Variants in AXIN1 observed in about 807,000 individuals in gnomAD.
AXIN1 encodes axin 1.
A neutral mutation model predicts 76.4 loss-of-function variants in AXIN1; 30 were observed. The observed-to-expected ratio is 0.39, with a 90% CI of 0.29 to 0.53. AXIN1 has a LOEUF of 0.53. AXIN1 is among the 20% of genes least tolerant of loss of function. AXIN1 has a pLI of 0.66. For missense variants in AXIN1, 1,140 were observed against 1,198.8 expected (o/e 0.95, Z 0.72); for synonymous variants, 545 against 501.4 (o/e 1.09, Z -1.16).
At chr16:291,499 C>T (rs916867044) in intron 8 of AXIN1, 27 of 622,372 alleles carry the variant, frequency 4.3e-5, no homozygotes, top group Admixed American at 1.6e-4. Flanking sequence ...TACTGCAGCG[C>T]GCCCCACATT....
chr16:344,333 G>T (rs1244057855), intron 2 of AXIN1, among the ~76,000 whole-genome samples: 3 of 150,658 alleles, frequency 2.0e-5, no homozygotes, highest in Admixed American at 2.0e-4. Context: ...GGGAGGCTGG[G>T]GCAGGAGAAC....
chr16:290,187 C>T lies in AXIN1; in HGVS notation c.2295-580G>A, dbSNP rs143434716. On this transcript the variant is annotated intron_variant, in intron 9 of 10. Coordinates refer to ENST00000262320, the MANE Select transcript of AXIN1 (RefSeq NM_003502.4). ...GGATGACGGGCGGGGCCTGGTTGCTCTCGCACCCCCCACTCGGCTACCCCG... is the reference window on the plus strand; with the variant it reads ...GGATGACGGGCGGGGCCTGGTTGCTTTCGCACCCCCCACTCGGCTACCCCG... 432 of 163,410 alleles carry T rather than the reference C, an allele frequency of 2.6e-3. 1 individual carries two copies. The highest frequency in any genetic ancestry group is 9.2e-3 in the Middle Eastern group (3 of 326). The allele number at this position is 163,410 out of a possible 1,614,324, so 10.1% of individuals were successfully genotyped here.
intron 2 of AXIN1, among the ~76,000 whole-genome samples, chr16:328,462 G>A (rs1208138249): frequency 6.6e-5 from 10 of 151,754 alleles, no homozygotes; most frequent in Admixed American, 3.9e-4. Flanking sequence ...TTGGGAGGCC[G>A]CGGCGGGCGG....
intron 5 of AXIN1, among the ~76,000 whole-genome samples, chr16:299,882 C>T (rs1458954275): frequency 6.6e-6 from 1 of 150,408 alleles, no homozygotes; most frequent in Non-Finnish European, 1.5e-5. Flanking sequence ...GTCTCGATCT[C>T]CCGACCTCGT....
intron 2 of AXIN1, among the ~76,000 whole-genome samples, chr16:334,163 T>C (rs1166502127): frequency 7.1e-6 from 1 of 141,208 alleles, no homozygotes; most frequent in African/African-American, 2.7e-5. Flanking sequence ...CAGCACCCAG[T>C]ACCATGGCAC....
At chr16:338,486 C>T (rs561030433) in intron 2 of AXIN1, among the ~76,000 whole-genome samples, 32 of 152,376 alleles carry the variant, frequency 2.1e-4, no homozygotes, top group African/African-American at 7.5e-4. Flanking sequence ...AGGGGCCTCT[C>T]GGTTCCAGAA....
At position 346,146 on chromosome 16, in the gene AXIN1, A is replaced by C. The variant is rs1597125300; in HGVS notation, c.878+2T>G. ...AAAGTGGACGCCTGGCGTCGGACTC[A>C]CCTGAACTCTCTGCCTTCGCTGTAC... On this transcript the variant is annotated splice_donor_variant, in intron 2 of 10. Coordinates refer to ENST00000262320, the MANE Select transcript of AXIN1 (RefSeq NM_003502.4). LOFTEE classifies it high-confidence loss of function. 6.2e-7 allele frequency: 1 copy of C among 1,613,360 alleles called. No homozygotes were observed. The highest frequency in any genetic ancestry group is 8.5e-7 in the Non-Finnish European group (1 of 1,179,940).
chr16:332,809 G>A (rs534106898), intron 2 of AXIN1, among the ~76,000 whole-genome samples: 1 of 152,088 alleles, frequency 6.6e-6, no homozygotes, highest in East Asian at 1.9e-4. Flanking sequence ...CACTCTAAAT[G>A]GTCCAAAATC....
chr16:295,019 A>G (rs1213904471), intron 7 of AXIN1, among the ~76,000 whole-genome samples: 1 of 145,738 alleles, frequency 6.9e-6, no homozygotes, highest in Non-Finnish European at 1.5e-5. Context: ...AGCTGAGATC[A>G]GGCCACTGCA....
At chr16:296,688 C>T (rs931453840) in intron 7 of AXIN1, among the ~76,000 whole-genome samples, 2 of 152,206 alleles carry the variant, frequency 1.3e-5, no homozygotes, top group East Asian at 3.9e-4. Context: ...CCTCCGTGGG[C>T]ACCTCGGGAG....
chr16:322,891 C>G (rs138352496), intron 2 of AXIN1, among the ~76,000 whole-genome samples: 1 of 152,256 alleles, frequency 6.6e-6, no homozygotes, highest in East Asian at 1.9e-4. Context: ...TGGCCTGCAG[C>G]TGCGTCCCAG....
At chr16:314,913 T>A (rs940804742) in intron 2 of AXIN1, among the ~76,000 whole-genome samples, 3 of 152,246 alleles carry the variant, frequency 2.0e-5, no homozygotes, top group African/African-American at 7.2e-5. Context: ...ATCTCTCCTC[T>A]GATTTTAGGC....
At chr16:329,114 C>G (rs1345030619) in intron 2 of AXIN1, among the ~76,000 whole-genome samples, 1 of 151,850 alleles carries the variant, frequency 6.6e-6, no homozygotes, top group Non-Finnish European at 1.5e-5. Flanking sequence ...CCTGTCTCTA[C>G]TAAAAATATA....
At chr16:341,296 T>G (rs1296997284) in intron 2 of AXIN1, among the ~76,000 whole-genome samples, 2 of 152,218 alleles carry the variant, frequency 1.3e-5, no homozygotes, top group African/African-American at 2.4e-5. Context: ...CGCGGCTGCA[T>G]GCGCTTGCAG....
At chr16:316,198 C>A (rs1166140230) in intron 2 of AXIN1, among the ~76,000 whole-genome samples, 1 of 151,928 alleles carries the variant, frequency 6.6e-6, no homozygotes, top group Non-Finnish European at 1.5e-5. Flanking sequence ...TTTTTTTAGA[C>A]CTTCACCTGA....
Position 346,167 on chromosome 16 carries a change from T to C in AXIN1, c.859A>G (p.Ser287Gly), listed in dbSNP as rs1408273686. Residue 287 changes from serine to glycine, a missense_variant, in exon 2 of 11, where the codon AGC becomes GGC. Around this residue, in one of 3 missense-constraint regions of AXIN1, gnomAD observed 708 missense variants for 776.9 expected, o/e 0.91. Transcript: ENST00000262320. ...ACTCACCTGAACTCTCTGCCTTCGCTGTACCGTCTACTGGAGGAGACCCTC... is the reference window on the plus strand; with the variant it reads ...ACTCACCTGAACTCTCTGCCTTCGCCGTACCGTCTACTGGAGGAGACCCTC... ...APRVSSSRRY[S>G]EGREFRYGSW... The C allele has an allele frequency of 3.7e-6, 6 of 1,613,690 alleles. No homozygotes were observed. The highest frequency in any genetic ancestry group is 1.1e-5 in the South Asian group (1 of 91,086).
intron 2 of AXIN1, among the ~76,000 whole-genome samples, chr16:325,979 C>A (rs570075404): frequency 1.3e-5 from 2 of 152,024 alleles, no homozygotes; most frequent in African/African-American, 4.8e-5. Flanking sequence ...TGGTTCACAC[C>A]GGCATGGAGA....
At chr16:320,085 C>T (rs1045460325) in intron 2 of AXIN1, among the ~76,000 whole-genome samples, 2 of 152,174 alleles carry the variant, frequency 1.3e-5, no homozygotes, top group African/African-American at 4.8e-5. Flanking sequence ...AACCTCAGAA[C>T]CGACAGCCCC....
chr16:326,338 G>A (rs182678148), intron 2 of AXIN1, among the ~76,000 whole-genome samples: 1 of 91,538 alleles, frequency 1.1e-5, no homozygotes, highest in African/African-American at 4.6e-5. Flanking sequence ...TGGGCAACAA[G>A]AGCAAAACTC....
Sources: allele counts gnomAD v4.1 joint callset (sites outside exome capture counted in the v4.1 genomes callset), GRCh38; gene constraint gnomAD v4.1.1; regional missense constraint gnomAD v4.1.1; transcripts MANE v1.5; gene names NCBI Gene and HGNC (gene_info 2026-07-23, HGNC 2026-07-21).